The following CSMD3 variants were observed in gnomAD, a reference collection of about 807,000 sequenced individuals.
CSMD3 encodes CUB and sushi domain-containing protein 3.
In CSMD3, 177 loss-of-function variants were observed where a neutral mutation model predicts 435.2. The observed-to-expected ratio is 0.41, with a 90% CI of 0.36 to 0.46. The LOEUF (loss-of-function observed/expected upper bound fraction) is 0.46, where lower values mean the gene tolerates loss of function less well. Ranked by LOEUF, CSMD3 falls within the 20% of genes least tolerant of loss-of-function variation. CSMD3 has a pLI of 0.34. For missense variants in CSMD3, 4,265 were observed against 4,504.6 expected (o/e 0.95, Z 1.52); for synonymous variants, 1,656 against 1,520.5 (o/e 1.09, Z -2.07).
chr8:113,368,926 A>AG (rs1294967408), intron 1 of CSMD3, among the ~76,000 whole-genome samples: 7 of 152,098 alleles, frequency 4.6e-5, no homozygotes, highest in Non-Finnish European at 8.8e-5. Flanking sequence ...TGAATCACCA[A>AG]GGAACGGTGG....
At chr8:112,935,582 T>A (rs1181953014) in intron 9 of CSMD3, among the ~76,000 whole-genome samples, 3 of 152,032 alleles carry the variant, frequency 2.0e-5, no homozygotes, top group Non-Finnish European at 4.4e-5. Context: ...TTTTATAGTT[T>A]TCAGTGTAGA....
chr8:113,184,295 G>A (rs1041871388), intron 3 of CSMD3, among the ~76,000 whole-genome samples: 1 of 151,872 alleles, frequency 6.6e-6, no homozygotes, highest in African/African-American at 2.4e-5. Flanking sequence ...AGGTGTTTAT[G>A]GAGGCTTTAT....
chr8:113,360,709 GACT>G (rs1235113429), intron 1 of CSMD3, among the ~76,000 whole-genome samples: 2 of 151,328 alleles, frequency 1.3e-5, no homozygotes, highest in Non-Finnish European at 2.9e-5. Context: ...GAGTAGCTGG[GACT>G]ACAGGCGCCC....
chr8:112,255,276 A>C lies in CSMD3; in HGVS notation c.10014T>G (p.Ser3338Arg), dbSNP rs1815671076. The C allele has an allele frequency of 3.7e-6, 6 of 1,613,446 alleles. No individual in the cohort carries two copies. The highest frequency in any genetic ancestry group is 4.2e-6 in the Non-Finnish European group (5 of 1,179,616). Reference sequence around the variant, plus strand: ...TACCTATGCAGTGAGGTGATGAACCACTCCAAGTGCCATCTGCTTGACATA... The same window carrying C: ...TACCTATGCAGTGAGGTGATGAACCCCTCCAAGTGCCATCTGCTTGACATA... ...TRICQADGTW[S>R]GSSPHCIEPT... The change falls in exon 62 of 71, where the codon AGT becomes AGG. Residue 3338 changes from serine (S) to arginine (R), a missense_variant. Around this residue, in one of 3 missense-constraint regions of CSMD3, gnomAD observed 3,255 missense variants for 3,380.2 expected, o/e 0.96. Coordinates refer to ENST00000297405, the MANE Select transcript of CSMD3 (RefSeq NM_198123.2).
intron 13 of CSMD3, among the ~76,000 whole-genome samples, chr8:112,728,724 G>A (rs1291551769): frequency 6.6e-6 from 1 of 151,986 alleles, no homozygotes; most frequent in Non-Finnish European, 1.5e-5. Context: ...TAATCACTCT[G>A]TGGTTCTCAC....
At chr8:112,903,450 T>C (rs2082164346) in intron 10 of CSMD3, among the ~76,000 whole-genome samples, 1 of 151,288 alleles carries the variant, frequency 6.6e-6, no homozygotes, top group Non-Finnish European at 1.5e-5. Flanking sequence ...GGAGTTATTA[T>C]TATTAGAATG....
intron 1 of CSMD3, among the ~76,000 whole-genome samples, chr8:113,422,247 T>C (rs1485061332): frequency 6.6e-6 from 1 of 152,144 alleles, no homozygotes; most frequent in Non-Finnish European, 1.5e-5. Flanking sequence ...GTTAATCTCT[T>C]TATTGACAGT....
intron 22 of CSMD3, among the ~76,000 whole-genome samples, chr8:112,620,565 T>C (rs950227387): frequency 6.6e-6 from 1 of 152,102 alleles, no homozygotes; most frequent in African/African-American, 2.4e-5. Flanking sequence ...TACCCTCCTT[T>C]CTACAAATAA....
At chr8:113,278,829 T>C in intron 2 of CSMD3, 125 bp from the exon 3 acceptor site, 1 of 630,938 alleles carries the variant, frequency 1.6e-6, no homozygotes. Flanking sequence ...CCAGAAGGAA[T>C]GCTATCCAGC....
chr8:112,872,727 G>T (rs571032261), intron 10 of CSMD3, among the ~76,000 whole-genome samples: 1 of 151,872 alleles, frequency 6.6e-6, no homozygotes, highest in South Asian at 2.1e-4. Context: ...TAAGTCATGT[G>T]AATTACTTAT....
intron 32 of CSMD3, among the ~76,000 whole-genome samples, chr8:112,428,571 C>T (rs886229236): frequency 6.6e-6 from 1 of 152,148 alleles, no homozygotes; most frequent in Non-Finnish European, 1.5e-5. Flanking sequence ...TATACAGCTC[C>T]TGCCTTCAAA....
chr8:113,025,329 G>A (rs2086836726), intron 5 of CSMD3, among the ~76,000 whole-genome samples: 1 of 152,146 alleles, frequency 6.6e-6, no homozygotes, highest in Non-Finnish European at 1.5e-5. Flanking sequence ...CTTTGATTCT[G>A]GGTAGAAGCA....
chr8:112,317,858 T>A (rs1032431316), intron 47 of CSMD3, among the ~76,000 whole-genome samples: 13 of 152,060 alleles, frequency 8.5e-5, no homozygotes, highest in Admixed American at 6.6e-5. Flanking sequence ...GCTAAGATAC[T>A]GCACAAGAAA....
intron 13 of CSMD3, among the ~76,000 whole-genome samples, chr8:112,739,455 T>C (rs1404346009): frequency 6.6e-6 from 1 of 151,842 alleles, no homozygotes; most frequent in South Asian, 2.1e-4. Context: ...AAATAGTTTT[T>C]ACTGGTACTT....
At chr8:113,381,098 T>C (rs1453613680) in intron 1 of CSMD3, among the ~76,000 whole-genome samples, 1 of 152,198 alleles carries the variant, frequency 6.6e-6, no homozygotes, top group East Asian at 1.9e-4. Context: ...TTCTCTTCAA[T>C]AAAGTTGTCG....
intron 68 of CSMD3, 150 bp from the exon 69 acceptor site, chr8:112,231,782 G>A: frequency 1.6e-6 from 1 of 635,378 alleles, no homozygotes. Context: ...ATAGCACATT[G>A]TGAAAATTTT....
chr8:112,517,611 G>A (rs879650959), intron 27 of CSMD3, among the ~76,000 whole-genome samples: 2 of 151,868 alleles, frequency 1.3e-5, no homozygotes, highest in South Asian at 2.1e-4. Flanking sequence ...GTTACAAAAT[G>A]AGCAAAGACA....
intron 45 of CSMD3, among the ~76,000 whole-genome samples, chr8:112,334,341 G>C (rs146296519): frequency 1.1e-3 from 172 of 152,232 alleles, no homozygotes; most frequent in Non-Finnish European, 1.8e-3. Context: ...CACAATCACA[G>C]TTGATTTACT....
At chr8:113,388,126 T>A (rs1298449256) in intron 1 of CSMD3, among the ~76,000 whole-genome samples, 1 of 151,716 alleles carries the variant, frequency 6.6e-6, no homozygotes, top group Non-Finnish European at 1.5e-5. Context: ...CTTTATATGC[T>A]ATGCTAAGGT....
Sources: gnomAD v4.1 joint callset for allele counts (sites outside exome capture counted in the v4.1 genomes callset) on GRCh38, gnomAD v4.1.1 for gene constraint, gnomAD v4.1.1 regional missense constraint, MANE v1.5 for transcripts, NCBI Gene and HGNC (gene_info 2026-07-23, HGNC 2026-07-21) for gene names.